Variants in SPATS2 observed in about 807,000 individuals in gnomAD.
SPATS2 encodes the protein spermatogenesis associated serine rich 2.
A neutral mutation model predicts 63.7 loss-of-function variants in SPATS2; 38 were observed. That is an observed-to-expected ratio of 0.60 (90% CI 0.46 to 0.78). The LOEUF (loss-of-function observed/expected upper bound fraction) is 0.78. SPATS2 is among the 30% of genes least tolerant of loss of function. SPATS2 has a pLI of 0.00. For missense variants in SPATS2, 588 were observed against 666.2 expected (o/e 0.88, Z 1.29); for synonymous variants, 207 against 232.9 (o/e 0.89, Z 1.01).
chr12:49,493,117 A>G (rs552028397), intron 6 of SPATS2, among the ~76,000 whole-genome samples: 4,285 of 146,452 alleles, frequency 0.029, 88 homozygotes, highest in Middle Eastern at 0.08. Flanking sequence ...AAAAAAAAAA[A>G]GAAAGAAAGA....
rs565518857 is a variant in SPATS2 at position 49,449,965 on chromosome 12, A to G, written c.-243-10805A>G. On this transcript the variant is annotated intron_variant, in intron 2 of 13. Transcript: ENST00000552918. Reference sequence around the variant, plus strand: ...CTTTCTGTCAATTTTTGCTGCATGTATTTTAGGTCTTATTGTTTGGTGGAT... The same window carrying G: ...CTTTCTGTCAATTTTTGCTGCATGTGTTTTAGGTCTTATTGTTTGGTGGAT... Among the ~76,000 whole-genome samples, 189 of 152,240 alleles carry G rather than the reference A, an allele frequency of 1.2e-3. 1 individual carries two copies. Among genetic ancestry groups the G allele is most frequent in the Admixed American group, 0.012 (188 of 15,278 alleles).
Position 49,516,200 on chromosome 12 carries a change from T to TAAAA in SPATS2, c.898+1588_898+1589insAAAA, listed in dbSNP as rs1273670089. Among the ~76,000 whole-genome samples, 248 of 61,888 alleles carry TAAAA rather than the reference T, an allele frequency of 4.0e-3. 16 individuals carry two copies. Among genetic ancestry groups the TAAAA allele is most frequent in the African/African-American group, 0.014 (236 of 16,958 alleles). 40.6% of individuals were successfully genotyped at this position (61,888 alleles called of 152,430 possible). ...ATATATATATATATATATATATATATATATATATAAATCAGGCATGGGGTC... is the reference window on the plus strand; with the variant it reads ...ATATATATATATATATATATATATATAAAAATATATATAAATCAGGCATGGGGTC... On this transcript the variant is annotated intron_variant, in intron 10 of 13. Coordinates refer to ENST00000552918, the MANE Select transcript of SPATS2 (RefSeq NM_023071.4).
chr12:49,436,896 G>T (rs1945313289), intron 2 of SPATS2, among the ~76,000 whole-genome samples: 1 of 146,070 alleles, frequency 6.8e-6, no homozygotes, highest in Non-Finnish European at 1.5e-5. Flanking sequence ...CGGGGCGGCT[G>T]GCCGGGCGGG....
At chr12:49,427,790 A>T (rs911366894) in intron 2 of SPATS2, among the ~76,000 whole-genome samples, 4 of 152,104 alleles carry the variant, frequency 2.6e-5, no homozygotes, top group Non-Finnish European at 5.9e-5. Context: ...AAGGTCATCT[A>T]TATTTTTGAC....
chr12:49,493,904 A>G (rs1255606186), intron 6 of SPATS2, among the ~76,000 whole-genome samples: 5 of 152,230 alleles, frequency 3.3e-5, no homozygotes, highest in Non-Finnish European at 1.5e-5. Context: ...CAATATATAA[A>G]GAGCTTTCTT....
chr12:49,383,592 A>G (rs1298108007), intron 2 of SPATS2, among the ~76,000 whole-genome samples: 3 of 151,006 alleles, frequency 2.0e-5, no homozygotes, highest in African/African-American at 7.3e-5. Context: ...TGTAAAGTCG[A>G]GGTCTCACTG....
intron 3 of SPATS2, among the ~76,000 whole-genome samples, chr12:49,467,022 A>G (rs1353987876): frequency 1.0e-5 from 1 of 95,412 alleles, no homozygotes; most frequent in African/African-American, 3.7e-5. Context: ...TCTTAAGTTT[A>G]TTGTTAAATA....
At chr12:49,483,786 TA>T (rs1389871109) in intron 3 of SPATS2, among the ~76,000 whole-genome samples, 2 of 152,178 alleles carry the variant, frequency 1.3e-5, no homozygotes. Flanking sequence ...CACCTGGGAG[TA>T]AAAATCTGCC....
intron 2 of SPATS2, among the ~76,000 whole-genome samples, chr12:49,372,365 C>T (rs549823880): frequency 5.3e-5 from 8 of 152,116 alleles, no homozygotes; most frequent in South Asian, 2.1e-4. Flanking sequence ...TACTTTTAAG[C>T]GGTGATTTTG....
At chr12:49,408,665 C>T (rs1355138374) in intron 2 of SPATS2, among the ~76,000 whole-genome samples, 3 of 149,984 alleles carry the variant, frequency 2.0e-5, no homozygotes, top group Non-Finnish European at 4.4e-5. Flanking sequence ...AAGTGATTCT[C>T]CTGCCTCAGC....
intron 2 of SPATS2, among the ~76,000 whole-genome samples, chr12:49,423,255 C>T (rs945442973): frequency 6.6e-6 from 1 of 151,860 alleles, no homozygotes; most frequent in South Asian, 2.1e-4. Flanking sequence ...GCCTCAGCCT[C>T]CCGAGTAGCC....
chr12:49,476,879 G>C (rs1946127649), intron 3 of SPATS2, among the ~76,000 whole-genome samples: 1 of 152,254 alleles, frequency 6.6e-6, no homozygotes, highest in Non-Finnish European at 1.5e-5. Context: ...GCCGAGGCGG[G>C]CGGATCGCCT....
At chr12:49,424,461 T>G (rs1434477387) in intron 2 of SPATS2, among the ~76,000 whole-genome samples, 1 of 152,172 alleles carries the variant, frequency 6.6e-6, no homozygotes, top group East Asian at 1.9e-4. Context: ...TGATTTATCT[T>G]TTGTCATTAT....
At chr12:49,379,091 A>T (rs1944162431) in intron 2 of SPATS2, among the ~76,000 whole-genome samples, 1 of 150,306 alleles carries the variant, frequency 6.7e-6, no homozygotes, top group African/African-American at 2.4e-5. Flanking sequence ...CTAATTTTTA[A>T]AAATATTTTT....
Position 49,466,414 on chromosome 12 carries a change from T to C in SPATS2, c.25+5377T>C, listed in dbSNP as rs182597834. 2.0e-5 allele frequency among the ~76,000 whole-genome samples: 3 copies of C among 152,294 alleles called. No individual in the cohort carries two copies. The East Asian group carries it at 5.8e-4, about 29-fold the overall frequency. ...CTGACCTCGTGATCCACCTGCCTCA[T>C]GCCTCAGCCTCCCAAAGTGCTGGGA... is the stretch of plus-strand genomic sequence containing the variant. On this transcript the variant is annotated intron_variant, in intron 3 of 13. Transcript: ENST00000552918.
Position 49,394,607 on chromosome 12 carries a change from T to A in SPATS2, c.-244+23317T>A, listed in dbSNP as rs139606233. On this transcript the variant is annotated intron_variant, in intron 2 of 13. Transcript: ENST00000552918. ...TTATCTTTACAAATTTTATATTTAATGCTTTGTATTTATAGTTTTAATTAG... is the reference window on the plus strand; with the variant it reads ...TTATCTTTACAAATTTTATATTTAAAGCTTTGTATTTATAGTTTTAATTAG... Among the ~76,000 whole-genome samples the A allele has an allele frequency of 1.4e-3, 212 of 152,216 alleles. 1 individual carries two copies. Among genetic ancestry groups the A allele is most frequent in the African/African-American group, 4.7e-3 (195 of 41,566 alleles).
chr12:49,490,758 G>C, intron 6 of SPATS2, 27 bp downstream of exon 6: 1 of 1,605,730 alleles, frequency 6.2e-7, no homozygotes, highest in Non-Finnish European at 8.5e-7. Flanking sequence ...TTAAAAGCAT[G>C]ATGATGTGTA....
chr12:49,394,227 A>G (rs533281857), intron 2 of SPATS2, among the ~76,000 whole-genome samples: 3 of 151,826 alleles, frequency 2.0e-5, no homozygotes, highest in African/African-American at 7.3e-5. Context: ...AGTCGCGGCT[A>G]CTTGGGAGGC....
chr12:49,370,059 T>C (rs1256719860), intron 1 of SPATS2, among the ~76,000 whole-genome samples: 1 of 152,218 alleles, frequency 6.6e-6, no homozygotes, highest in East Asian at 1.9e-4. Context: ...TGGAGGCCGA[T>C]CAGGCTAAGA....
Sources: gnomAD v4.1 joint callset for allele counts (sites outside exome capture counted in the v4.1 genomes callset) on GRCh38, gnomAD v4.1.1 for gene constraint, MANE v1.5 for transcripts, NCBI Gene and HGNC (gene_info 2026-07-23, HGNC 2026-07-21) for gene names.